MGLL: variants seen among roughly 807,000 people sequenced by gnomAD.
The protein encoded by MGLL is monoglyceride lipase.
In MGLL, 7 loss-of-function variants were observed where a neutral mutation model predicts 29.1. The observed-to-expected ratio is 0.24, with a 90% CI of 0.14 to 0.45. MGLL has a LOEUF of 0.45. Among genes scored for constraint, MGLL ranks in the 20% least tolerant of loss-of-function variants. The pLI, the probability that MGLL is intolerant of heterozygous loss-of-function variation, is 0.99. For missense variants in MGLL, 356 were observed against 413.6 expected (o/e 0.86, Z 1.21); for synonymous variants, 148 against 168.3 (o/e 0.88, Z 0.93).
chr3:127,728,810 C>T (rs1237727695), intron 3 of MGLL, among the ~76,000 whole-genome samples: 1 of 152,178 alleles, frequency 6.6e-6, no homozygotes, highest in Non-Finnish European at 1.5e-5. Flanking sequence ...AATTCCCCTC[C>T]ATGTGGGAGT....
chr3:127,794,449 G>T (rs75569824), intron 2 of MGLL, among the ~76,000 whole-genome samples: 1 of 152,014 alleles, frequency 6.6e-6, no homozygotes, highest in Non-Finnish European at 1.5e-5. Flanking sequence ...ATGATGTAAG[G>T]ATGTCTTATA....
At position 127,694,969 on chromosome 3, in the gene MGLL, G is replaced by A. The variant is rs754847923; in HGVS notation, c.816+6C>T. The A allele has an allele frequency of 1.1e-5, 17 of 1,613,394 alleles. No individual in the cohort carries two copies. In the East Asian group the frequency reaches 2.0e-4, roughly 19 times the overall value. On this transcript the variant is annotated splice_donor_region_variant and intron_variant, in intron 7 of 7. Coordinates refer to ENST00000265052, the MANE Select transcript of MGLL (RefSeq NM_007283.7). The stretch of plus-strand genomic sequence containing the variant: ...GGGGGGAAGTGGGCAAGTGGCAGCC[G>A]CTCACCTTGAGAGTCTTGTCCTGGC...
At chr3:127,744,418 C>T (rs753083141) in intron 3 of MGLL, among the ~76,000 whole-genome samples, 2 of 152,196 alleles carry the variant, frequency 1.3e-5, no homozygotes, top group African/African-American at 2.4e-5. Flanking sequence ...CACATTGCCA[C>T]GTGTCATGCC....
At chr3:127,788,719 G>A (rs969411562) in intron 2 of MGLL, among the ~76,000 whole-genome samples, 2 of 152,130 alleles carry the variant, frequency 1.3e-5, no homozygotes, top group Non-Finnish European at 2.9e-5. Flanking sequence ...CACCCTCCTG[G>A]GGCCCTGCAT....
At chr3:127,756,704 G>A (rs2076671081) in intron 3 of MGLL, among the ~76,000 whole-genome samples, 1 of 152,344 alleles carries the variant, frequency 6.6e-6, no homozygotes, top group Admixed American at 6.5e-5. Context: ...TTTCAGAAGA[G>A]AAATAAACCT....
intron 2 of MGLL, among the ~76,000 whole-genome samples, chr3:127,806,003 T>C (rs1180821034): frequency 6.6e-6 from 1 of 152,254 alleles, no homozygotes; most frequent in African/African-American, 2.4e-5. Flanking sequence ...GGTTAAGCCA[T>C]GGAGATCAGC....
chr3:127,780,356 G>A (rs2077101586), intron 3 of MGLL, among the ~76,000 whole-genome samples: 1 of 152,126 alleles, frequency 6.6e-6, no homozygotes, highest in Admixed American at 6.5e-5. Context: ...ACGATGATGA[G>A]TGTAACAAAT....
Position 127,722,558 on chromosome 3 carries a change from C to G in MGLL, c.271G>C (p.Gly91Arg). ...ACCATCCTCTCCCCTTCGCTCTGTCCGTGGCCAACTGGAAAGGAACGGGAG... is the reference window on the plus strand; with the variant it reads ...ACCATCCTCTCCCCTTCGCTCTGTCGGTGGCCAACTGGAAAGGAACGGGAG... Reference protein sequence around the residue: ...LVFAHDHVGHGQSEGERMVVS... With the variant: ...LVFAHDHVGHRQSEGERMVVS... The change falls in exon 4 of 8, where the codon GGA (glycine) becomes CGA (arginine). Residue 91 changes from glycine (G) to arginine (R), a missense_variant. Transcript: ENST00000265052. 2 of 1,614,206 alleles carry G rather than the reference C, an allele frequency of 1.2e-6. No homozygotes were observed. Among genetic ancestry groups the G allele is most frequent in the Non-Finnish European group, 1.7e-6 (2 of 1,180,040 alleles).
chr3:127,742,843 T>A (rs2107657181), intron 3 of MGLL, among the ~76,000 whole-genome samples: 1 of 152,302 alleles, frequency 6.6e-6, no homozygotes, highest in African/African-American at 2.4e-5. Flanking sequence ...TTGAGCCATT[T>A]CTTGCTATGT....
At chr3:127,706,322 C>G (rs1300240762) in intron 6 of MGLL, among the ~76,000 whole-genome samples, 1 of 152,068 alleles carries the variant, frequency 6.6e-6, no homozygotes, top group Non-Finnish European at 1.5e-5. Flanking sequence ...TCAGTTGGGC[C>G]TGCTGGACAC....
chr3:127,696,214 C>T (rs1282948873), intron 6 of MGLL, among the ~76,000 whole-genome samples: 1 of 152,098 alleles, frequency 6.6e-6, no homozygotes, highest in African/African-American at 2.4e-5. Flanking sequence ...CAAGGGGCTG[C>T]TCTCTCCCCT....
At chr3:127,715,500 G>A in intron 5 of MGLL, 1 of 355,398 alleles carries the variant, frequency 2.8e-6, no homozygotes, top group Non-Finnish European at 5.6e-6. Flanking sequence ...GCCATGCAGG[G>A]GCAGGATGTT....
At chr3:127,736,431 T>C (rs1015763472) in intron 3 of MGLL, 2 of 831,070 alleles carry the variant, frequency 2.4e-6, no homozygotes, top group East Asian at 1.2e-4. Flanking sequence ...ATGAGTCTGG[T>C]CCTAGAGAGA....
chr3:127,728,991 T>C (rs544438830), intron 3 of MGLL, among the ~76,000 whole-genome samples: 2 of 152,298 alleles, frequency 1.3e-5, no homozygotes, highest in South Asian at 4.1e-4. Context: ...AACTGAGTAT[T>C]CATGTCTTTG....
At chr3:127,753,996 G>A (rs1031809036) in intron 3 of MGLL, among the ~76,000 whole-genome samples, 7 of 152,196 alleles carry the variant, frequency 4.6e-5, no homozygotes, top group African/African-American at 7.2e-5. Flanking sequence ...AGCTGTCAGC[G>A]CCCTGCACTC....
At position 127,694,983 on chromosome 3, in the gene MGLL, T is replaced by A; in HGVS notation, c.808A>T (p.Thr270Ser). Reference protein sequence around the residue: ...LMELAKSQDKTLKIYEGAYHV... With the variant: ...LMELAKSQDKSLKIYEGAYHV... ...AAGTGGCAGCCGCTCACCTTGAGAG[T>A]CTTGTCCTGGCTCTTGGCTAACTCC... The change falls in exon 7 of 8, where the codon ACT becomes TCT. Residue 270 changes from threonine to serine, a missense_variant. Physicochemically the swap from Thr to Ser is moderately conservative, Grantham distance 58. Coordinates refer to ENST00000265052, the MANE Select transcript of MGLL (RefSeq NM_007283.7). 1 of 1,613,486 alleles carries A rather than the reference T, an allele frequency of 6.2e-7. No homozygotes were observed. The highest frequency in any genetic ancestry group is 8.5e-7 in the Non-Finnish European group (1 of 1,179,892).
chr3:127,819,545 T>G (rs2107763074), intron 2 of MGLL, among the ~76,000 whole-genome samples: 1 of 152,198 alleles, frequency 6.6e-6, no homozygotes, highest in South Asian at 2.1e-4. Flanking sequence ...TTTTCCTCCC[T>G]TCTTTCTTCC....
At chr3:127,818,548 G>A (rs915740997) in intron 2 of MGLL, among the ~76,000 whole-genome samples, 2 of 152,118 alleles carry the variant, frequency 1.3e-5, no homozygotes, top group Non-Finnish European at 2.9e-5. Flanking sequence ...AACGATTAGG[G>A]AGAATTAATT....
At chr3:127,694,227 G>A (rs951933221) in intron 7 of MGLL, among the ~76,000 whole-genome samples, 2 of 143,580 alleles carry the variant, frequency 1.4e-5, no homozygotes, top group African/African-American at 2.6e-5. Context: ...CCGAGATGGC[G>A]CCGCTGCACT....
Sources: allele counts gnomAD v4.1 joint callset (sites outside exome capture counted in the v4.1 genomes callset), GRCh38; gene constraint gnomAD v4.1.1; transcripts MANE v1.5; gene names NCBI Gene and HGNC (gene_info 2026-07-23, HGNC 2026-07-21).